Variants in CEP97 observed in about 807,000 individuals in gnomAD.
CEP97 encodes the protein centrosomal protein of 97 kDa.
A neutral mutation model predicts 73.1 loss-of-function variants in CEP97; 43 were observed. The observed-to-expected ratio is 0.59, with a 90% CI of 0.46 to 0.76. CEP97 has a LOEUF of 0.76. Among genes scored for constraint, CEP97 ranks in the 30% least tolerant of loss-of-function variants. CEP97 has a pLI of 0.00. For synonymous variants in CEP97, 337 were observed against 370.0 expected, an observed-to-expected ratio of 0.91 and a Z score of 1.02; for missense variants, 939 against 1,014.0, an observed-to-expected ratio of 0.93 and a Z score of 1.00.
intron 4 of CEP97, among the ~76,000 whole-genome samples, chr3:101,730,448 T>G (rs938883903): frequency 1.3e-5 from 2 of 151,692 alleles, no homozygotes; most frequent in Admixed American, 1.3e-4. Flanking sequence ...GTATTTTTAG[T>G]AGAGATGGCA....
intron 6 of CEP97, among the ~76,000 whole-genome samples, chr3:101,745,460 A>G (rs1245160009): frequency 6.6e-6 from 1 of 151,772 alleles, no homozygotes; most frequent in African/African-American, 2.4e-5. Context: ...GAGATGGGTT[A>G]TTGCTATGTT....
Position 101,758,294 on chromosome 3 carries a change from C to A in CEP97, c.1688C>A (p.Thr563Asn), listed in dbSNP as rs546924387. Reference protein sequence around the residue: ...VALQKLNDAATKLQACWRGFY... With the variant: ...VALQKLNDAANKLQACWRGFY... ...CTTCAGAAATTAAATGATGCAGCCA[C>A]CAAGCTTCAGGCCTGTTGGCGGGGA... The change falls in exon 9 of 11, where the codon ACC (threonine) becomes AAC (asparagine). Residue 563 changes from threonine (T) to asparagine (N), a missense_variant. Physicochemically the swap from Thr to Asn is moderately conservative, Grantham distance 65. Coordinates refer to ENST00000341893, the MANE Select transcript of CEP97 (RefSeq NM_024548.4). 35 of 1,614,202 alleles carry A rather than the reference C, an allele frequency of 2.2e-5. 3 individuals are homozygous for A. The South Asian group carries it at 2.7e-4, about 13-fold the overall frequency.
intron 6 of CEP97, among the ~76,000 whole-genome samples, chr3:101,749,982 A>G (rs1938753780): frequency 6.6e-6 from 1 of 151,378 alleles, no homozygotes; most frequent in Admixed American, 6.6e-5. Context: ...TTTGCTGTGC[A>G]GAAGCTCTTT....
intron 6 of CEP97, among the ~76,000 whole-genome samples, chr3:101,745,918 A>G (rs1938600264): frequency 6.6e-6 from 1 of 151,542 alleles, no homozygotes; most frequent in Admixed American, 6.6e-5. Flanking sequence ...CCCCCACCCC[A>G]CAACAGTCCC....
At chr3:101,729,767 TTTTTC>T (rs1938033340) in intron 4 of CEP97, among the ~76,000 whole-genome samples, 1 of 151,726 alleles carries the variant, frequency 6.6e-6, no homozygotes, top group Non-Finnish European at 1.5e-5. Flanking sequence ...AGATGAGATC[TTTTTC>T]TTTTCTTTTT....
intron 8 of CEP97, 135 bp downstream of exon 8, chr3:101,757,331 C>T: frequency 1.1e-6 from 1 of 928,570 alleles, no homozygotes; most frequent in Non-Finnish European, 1.6e-6. Flanking sequence ...AGATCTTATA[C>T]ATATCTATGT....
Position 101,755,561 on chromosome 3 carries a change from A to G in CEP97, c.860A>G (p.Asp287Gly). ...ACACTAGGTCTTCAAACTGCAGAGGATGCCAAACTAGAGAAGATTTTGAGC... is the reference window on the plus strand; with the variant it reads ...ACACTAGGTCTTCAAACTGCAGAGGGTGCCAAACTAGAGAAGATTTTGAGC... Reference protein sequence around the residue: ...TSTLGLQTAEDAKLEKILSKQ... With the variant: ...TSTLGLQTAEGAKLEKILSKQ... The change falls in exon 7 of 11, where the codon GAT (aspartate) becomes GGT (glycine). Residue 287 changes from aspartate to glycine, a missense_variant. Coordinates refer to ENST00000341893, the MANE Select transcript of CEP97 (RefSeq NM_024548.4). 1.2e-6 allele frequency: 2 copies of G among 1,614,182 alleles called. No individual in the cohort carries two copies. The highest frequency in any genetic ancestry group is 1.7e-6 in the Non-Finnish European group (2 of 1,180,028).
chr3:101,753,450 G>C (rs557268630), intron 6 of CEP97, among the ~76,000 whole-genome samples: 1 of 152,234 alleles, frequency 6.6e-6, no homozygotes, highest in South Asian at 2.1e-4. Context: ...GACAGGGACA[G>C]TTAAGTCTGC....
chr3:101,736,087 A>T (rs1256577386), intron 6 of CEP97, among the ~76,000 whole-genome samples: 1 of 152,334 alleles, frequency 6.6e-6, no homozygotes, highest in Non-Finnish European at 1.5e-5. Context: ...CCGCAAGTTC[A>T]AACTGGGCAG....
rs1170977169 is a variant in CEP97, at chr3:101,743,863, G to A, written c.728+11209G>A. Among the ~76,000 whole-genome samples, 3 of 152,220 alleles carry A rather than the reference G, an allele frequency of 2.0e-5. No homozygotes were observed. The South Asian group carries it at 6.2e-4, about 32-fold the overall frequency. On this transcript the variant is annotated intron_variant, in intron 6 of 10. Transcript: ENST00000341893. ...TTAAAAATACAAAAAAATTAGCTGG[G>A]TATGGTCGCGCGTGCCTATAATCCC... is the stretch of plus-strand genomic sequence containing the variant.
At position 101,752,894 on chromosome 3, in the gene CEP97, C is replaced by T. The variant is rs540470042; in HGVS notation, c.729-2536C>T. Among the ~76,000 whole-genome samples, 6 of 152,298 alleles carry T rather than the reference C, an allele frequency of 3.9e-5. No homozygotes were observed. The East Asian group carries it at 9.6e-4, about 24-fold the overall frequency. On this transcript the variant is annotated intron_variant, in intron 6 of 10. Transcript: ENST00000341893. ...CTTCTGAAGCCTTCTTCTCTCAGCTCGTCAAAGTCATTCTCCGTCCAGCTT... is the reference window on the plus strand; with the variant it reads ...CTTCTGAAGCCTTCTTCTCTCAGCTTGTCAAAGTCATTCTCCGTCCAGCTT...
rs1425354224 is a variant in CEP97 at position 101,765,631 on chromosome 3, A to G, written c.*80A>G. ...TGCCTTTGCTTTTTTTTGGAGGGAA[A>G]TACTCCCTACCCCTAATTTTGTTAC... On this transcript the variant is annotated 3_prime_UTR_variant, in exon 11 of 11. Transcript: ENST00000341893. The G allele has an allele frequency of 2.7e-6, 3 of 1,114,262 alleles. No homozygotes were observed. Among genetic ancestry groups the G allele is most frequent in the East Asian group, 4.8e-5 (2 of 41,428 alleles). 69.0% of individuals were successfully genotyped at this position (1,114,262 alleles called of 1,614,324 possible). A position where few individuals can be genotyped will look rare whatever the true frequency, so the allele number is the denominator to read the frequency against.
At chr3:101,745,828 A>C (rs556091400) in intron 6 of CEP97, among the ~76,000 whole-genome samples, 2 of 152,028 alleles carry the variant, frequency 1.3e-5, no homozygotes, top group Non-Finnish European at 2.9e-5. Flanking sequence ...ATATGTATAC[A>C]TGTGCCATGC....
rs1201871181 is a variant in CEP97 at position 101,766,583 on chromosome 3, A to G, written c.*1032A>G. ...TAACCTGAAAAAGTTCCACATTTGGAAGACAATTTAATGATGGTGAAGAAA... is the reference window on the plus strand; with the variant it reads ...TAACCTGAAAAAGTTCCACATTTGGGAGACAATTTAATGATGGTGAAGAAA... On this transcript the variant is annotated 3_prime_UTR_variant, in exon 11 of 11. Coordinates refer to ENST00000341893, the MANE Select transcript of CEP97 (RefSeq NM_024548.4). 1 of 152,500 alleles carries G rather than the reference A, an allele frequency of 6.6e-6. No homozygotes were observed. The highest frequency in any genetic ancestry group is 1.5e-5 in the Non-Finnish European group (1 of 68,014). 9.4% of individuals were successfully genotyped at this position (152,500 alleles called of 1,614,324 possible).
chr3:101,741,706 TG>T lies in CEP97; in HGVS notation c.728+9053del, dbSNP rs571766934. Among the ~76,000 whole-genome samples, 549 of 152,184 alleles carry T rather than the reference TG, an allele frequency of 3.6e-3. 1 individual carries two copies. Among genetic ancestry groups the T allele is most frequent in the African/African-American group, 0.012 (514 of 41,524 alleles). On this transcript the variant is annotated intron_variant, in intron 6 of 10. Transcript: ENST00000341893. ...AGAGAAATGCAAATCAAAACCACAA[TG>T]AGATACCATCTCATGCCAGTTAGAA...
At chr3:101,733,304 G>A in intron 6 of CEP97, among the ~76,000 whole-genome samples, 1 of 151,822 alleles carries the variant, frequency 6.6e-6, no homozygotes, top group East Asian at 1.9e-4. Context: ...TCTCACAAAA[G>A]CTTGTAATAT....
intron 6 of CEP97, among the ~76,000 whole-genome samples, chr3:101,749,548 T>A (rs1203311029): frequency 7.6e-6 from 1 of 131,220 alleles, no homozygotes. Flanking sequence ...TTTCTAGTTC[T>A]AGATTCCTGA....
chr3:101,725,560 A>T (rs894503253), intron 1 of CEP97, among the ~76,000 whole-genome samples: 4 of 152,138 alleles, frequency 2.6e-5, no homozygotes, highest in African/African-American at 9.7e-5. Context: ...AAGGCTGTGC[A>T]CTTTTCTGAG....
Position 101,727,448 on chromosome 3 carries a change from A to G in CEP97, c.252A>G (p.Val84=), listed in dbSNP as rs200492494. ...MGVAKLTLLR[V]LNLPHNSIGC... ...TGGCCAAGCTGACGTTGCTTCGTGT[A>G]TTAAATTTGCCTCATAATAGCATTG... Residue 84 remains valine (V), a synonymous_variant, in exon 3 of 11, where the codon GTA becomes GTG. Coordinates refer to ENST00000341893, the MANE Select transcript of CEP97 (RefSeq NM_024548.4). The G allele has an allele frequency of 6.2e-7, 1 of 1,614,022 alleles. No individual in the cohort carries two copies. The highest frequency in any genetic ancestry group is 8.5e-7 in the Non-Finnish European group (1 of 1,179,926).
Sources: gnomAD v4.1 joint callset for allele counts (sites outside exome capture counted in the v4.1 genomes callset) on GRCh38, gnomAD v4.1.1 for gene constraint, MANE v1.5 for transcripts, NCBI Gene and HGNC (gene_info 2026-07-23, HGNC 2026-07-21) for gene names.